The following SLC24A2 variants were observed in gnomAD, a reference collection of about 807,000 sequenced individuals.
SLC24A2 encodes the protein sodium/potassium/calcium exchanger 2.
In SLC24A2, 36 loss-of-function variants were observed where a neutral mutation model predicts 62.0. The ratio of observed to expected loss-of-function variants is 0.58; its 90% CI spans 0.44 to 0.77. The LOEUF is 0.77. SLC24A2 is among the 30% of genes least tolerant of loss of function. The pLI is 0.00. For synonymous variants in SLC24A2, 358 were observed against 294.0 expected (o/e 1.22, Z -2.23); for missense variants, 846 against 817.9 (o/e 1.03, Z -0.42).
chr9:20,203,992 T>TA, the SLC24A2 span, among the ~76,000 whole-genome samples: 1 of 152,206 alleles, frequency 6.6e-6, no homozygotes, highest in Non-Finnish European at 1.5e-5. Flanking sequence ...TTACTCTCCT[T>TA]AACTGAATTA....
chr9:20,031,012 TG>T, the SLC24A2 span, among the ~76,000 whole-genome samples: 2 of 152,082 alleles, frequency 1.3e-5, no homozygotes, highest in African/African-American at 4.8e-5. Context: ...CTTTATTCCT[TG>T]GCCCGTCCAA....
the SLC24A2 span, among the ~76,000 whole-genome samples, chr9:20,057,122 C>G: frequency 6.6e-6 from 1 of 152,158 alleles, no homozygotes. Context: ...TGTGCATTTG[C>G]ATACATCACC....
At chr9:20,276,191 T>C in the SLC24A2 span, among the ~76,000 whole-genome samples, 2 of 152,228 alleles carry the variant, frequency 1.3e-5, no homozygotes, top group Non-Finnish European at 2.9e-5. Flanking sequence ...CTAAGTCGCT[T>C]CTGCCTATAG....
At chr9:20,103,696 T>C in the SLC24A2 span, among the ~76,000 whole-genome samples, 7 of 152,270 alleles carry the variant, frequency 4.6e-5, no homozygotes, top group East Asian at 7.7e-4. Flanking sequence ...AAAACCCACC[T>C]GTACATCACC....
chr9:19,604,647 C>CA (rs756940352), intron 4 of SLC24A2, among the ~76,000 whole-genome samples: 1 of 151,580 alleles, frequency 6.6e-6, no homozygotes, highest in Non-Finnish European at 1.5e-5. Flanking sequence ...AACAAACAAA[C>CA]AAAAAAACTC....
chr9:20,042,789 G>T, the SLC24A2 span, among the ~76,000 whole-genome samples: 12,717 of 152,166 alleles, frequency 0.084, 877 homozygotes, highest in African/African-American at 0.19. Context: ...TTTTGATAAT[G>T]CTTGCAATAT....
chr9:19,564,503 C>T (rs749067199), intron 7 of SLC24A2, among the ~76,000 whole-genome samples: 1 of 150,738 alleles, frequency 6.6e-6, no homozygotes, highest in Non-Finnish European at 1.5e-5. Flanking sequence ...CATTCTCTGT[C>T]TTCAGTCATC....
intron 7 of SLC24A2, among the ~76,000 whole-genome samples, chr9:19,558,070 T>A (rs1835186494): frequency 6.6e-6 from 1 of 152,198 alleles, no homozygotes; most frequent in Non-Finnish European, 1.5e-5. Flanking sequence ...CCCAAAGTGC[T>A]GGGATTATGG....
At chr9:19,953,120 C>T in the SLC24A2 span, among the ~76,000 whole-genome samples, 14 of 152,014 alleles carry the variant, frequency 9.2e-5, no homozygotes, top group African/African-American at 3.1e-4. Context: ...CTTGTCCCCT[C>T]TTTCATTCTT....
At chr9:19,949,185 G>A in the SLC24A2 span, among the ~76,000 whole-genome samples, 12 of 151,970 alleles carry the variant, frequency 7.9e-5, no homozygotes, top group African/African-American at 2.9e-4. Flanking sequence ...GTAGAGACGC[G>A]GTTTCACCAT....
the SLC24A2 span, among the ~76,000 whole-genome samples, chr9:20,163,702 G>A: frequency 6.6e-6 from 1 of 152,220 alleles, no homozygotes; most frequent in Admixed American, 6.5e-5. Flanking sequence ...GAACAAAGCT[G>A]GAGGCATCAT....
At chr9:20,165,595 G>T in the SLC24A2 span, among the ~76,000 whole-genome samples, 1 of 151,544 alleles carries the variant, frequency 6.6e-6, no homozygotes, top group Non-Finnish European at 1.5e-5. Context: ...TTTGAAAAAA[G>T]AAAAAAATAC....
chr9:19,627,220 A>T (rs1226134333), intron 2 of SLC24A2, among the ~76,000 whole-genome samples: 1 of 152,226 alleles, frequency 6.6e-6, no homozygotes, highest in Non-Finnish European at 1.5e-5. Context: ...CAGAAGGGGT[A>T]GAAATGATCT....
the SLC24A2 span, among the ~76,000 whole-genome samples, chr9:19,888,202 T>G: frequency 6.6e-6 from 1 of 152,220 alleles, no homozygotes; most frequent in African/African-American, 2.4e-5. Context: ...ACAAACAACA[T>G]GCCTCCATTA....
the SLC24A2 span, among the ~76,000 whole-genome samples, chr9:20,000,339 G>A: frequency 2.5e-4 from 38 of 152,170 alleles, no homozygotes; most frequent in African/African-American, 8.9e-4. Context: ...TATGCAGCTA[G>A]TTAGTAGCAG....
chr9:19,965,724 A>T, the SLC24A2 span, among the ~76,000 whole-genome samples: 1 of 152,180 alleles, frequency 6.6e-6, no homozygotes, highest in Admixed American at 6.5e-5. Context: ...TCACTGAATG[A>T]GGGATCAAAA....
chr9:20,102,761 A>G, the SLC24A2 span, among the ~76,000 whole-genome samples: 17,013 of 152,010 alleles, frequency 0.11, 1,016 homozygotes, highest in Middle Eastern at 0.17. Context: ...AGCTCCCAGC[A>G]TGAGCGACAC....
At position 19,619,567 on chromosome 9, in the gene SLC24A2, C is replaced by T. The variant is rs1296500790; in HGVS notation, c.1078+17G>A. 2 of 1,595,514 alleles carry T rather than the reference C, an allele frequency of 1.3e-6. No individual in the cohort carries two copies. The highest frequency in any genetic ancestry group is 2.2e-5 in the East Asian group (1 of 44,788). On this transcript the variant is annotated intron_variant, in intron 4 of 10. Transcript: ENST00000341998. ...TTTCCCCCCAAACAAGTTCCCAAAC[C>T]AAAGCTTGATGTTTACCTTCGGCGA...
chr9:19,975,824 T>A, the SLC24A2 span, among the ~76,000 whole-genome samples: 73,599 of 151,676 alleles, frequency 0.49, 18,552 homozygotes, highest in Non-Finnish European at 0.55. Context: ...TCTGTGGGCC[T>A]GCATCCTCAG....
Sources: allele counts gnomAD v4.1 joint callset (sites outside exome capture counted in the v4.1 genomes callset), GRCh38; gene constraint gnomAD v4.1.1; transcripts MANE v1.5; gene names NCBI Gene and HGNC (gene_info 2026-07-23, HGNC 2026-07-21).